GRIA4: variants seen among roughly 807,000 people sequenced by gnomAD.
The protein encoded by GRIA4 is glutamate receptor 4.
In GRIA4, 34 loss-of-function variants were observed where a neutral mutation model predicts 104.0. The observed-to-expected ratio is 0.33, with a 90% CI of 0.25 to 0.44. The LOEUF is 0.44. GRIA4 is among the 20% of genes least tolerant of loss of function. The pLI, the probability that GRIA4 is intolerant of heterozygous loss-of-function variation, is 1.00. For missense variants in GRIA4, 750 were observed against 1,096.5 expected (o/e 0.68, Z 4.46); for synonymous variants, 386 against 381.9 (o/e 1.01, Z -0.13).
intron 3 of GRIA4, among the ~76,000 whole-genome samples, chr11:105,732,241 G>C (rs1048916054): frequency 2.6e-5 from 4 of 152,158 alleles, no homozygotes; most frequent in African/African-American, 4.8e-5. Context: ...AAACAGCAAA[G>C]AGGTCACAAG....
chr11:105,737,443 AT>A, intron 3 of GRIA4, among the ~76,000 whole-genome samples: 1 of 152,020 alleles, frequency 6.6e-6, no homozygotes, highest in South Asian at 2.1e-4. Context: ...CTGTTCCAGG[AT>A]TTTTTGCAGG....
intron 3 of GRIA4, chr11:105,614,087 T>C (rs1950541795): frequency 6.6e-6 from 1 of 151,892 alleles, no homozygotes; most frequent in African/African-American, 2.4e-5. Context: ...TTTTCTCATG[T>C]CTCTCCTAAG....
At chr11:105,847,632 G>T (rs939808847) in intron 4 of GRIA4, among the ~76,000 whole-genome samples, 1 of 151,984 alleles carries the variant, frequency 6.6e-6, no homozygotes, top group Non-Finnish European at 1.5e-5. Flanking sequence ...ATTTTATTTT[G>T]AATGCTGAAA....
intron 6 of GRIA4, among the ~76,000 whole-genome samples, chr11:105,897,542 G>GTTTGTCATAGATGGC (rs1198383715): frequency 1.3e-5 from 2 of 152,076 alleles, no homozygotes; most frequent in Non-Finnish European, 2.9e-5. Flanking sequence ...TTTGCCGTGG[G>GTTTGTCATAGATGGC]TTTGTCATAG....
chr11:105,664,776 A>G (rs570617556), intron 3 of GRIA4, among the ~76,000 whole-genome samples: 1 of 152,106 alleles, frequency 6.6e-6, no homozygotes, highest in African/African-American at 2.4e-5. Context: ...GATCTCAAAT[A>G]TAATTATTTT....
In GRIA4 at chr11:105,973,501, T is replaced by A. The variant is rs1255628284; in HGVS notation, c.2410-809T>A. Among the ~76,000 whole-genome samples, 3 of 152,068 alleles carry A rather than the reference T, an allele frequency of 2.0e-5. No individual in the cohort carries two copies. The East Asian group carries it at 5.8e-4, about 29-fold the overall frequency. On this transcript the variant is annotated intron_variant, in intron 15 of 16. Transcript: ENST00000282499. The stretch of plus-strand genomic sequence containing the variant: ...AAGAATAAATAATATCTCTAAAATA[T>A]TAATGGACTAAGCATTTTTAAGTGG...
intron 5 of GRIA4, among the ~76,000 whole-genome samples, chr11:105,876,603 T>C (rs909889308): frequency 2.6e-5 from 4 of 152,212 alleles, no homozygotes; most frequent in African/African-American, 9.6e-5. Flanking sequence ...TGCTCCTGTA[T>C]TGGGTGCAAA....
chr11:105,832,522 C>A (rs1370611424), intron 4 of GRIA4, among the ~76,000 whole-genome samples: 2 of 151,806 alleles, frequency 1.3e-5, no homozygotes, highest in Non-Finnish European at 2.9e-5. Context: ...CTGAAGTACG[C>A]AGGGCTGGTA....
chr11:105,951,198 G>A (rs1473952844), intron 14 of GRIA4, among the ~76,000 whole-genome samples: 1 of 152,204 alleles, frequency 6.6e-6, no homozygotes, highest in Non-Finnish European at 1.5e-5. Context: ...CACATAAGGA[G>A]ATGAAGAAAT....
intron 3 of GRIA4, among the ~76,000 whole-genome samples, chr11:105,655,480 C>T (rs77866980): frequency 0.028 from 4,245 of 152,088 alleles, 121 homozygotes; most frequent in African/African-American, 0.069. Context: ...TAATGCTCTC[C>T]CTCCCCTAGT....
intron 4 of GRIA4, among the ~76,000 whole-genome samples, chr11:105,822,009 T>G (rs535295844): frequency 1.6e-4 from 25 of 152,246 alleles, no homozygotes; most frequent in Admixed American, 1.3e-3. Context: ...AAAATCCTTT[T>G]GCTGTAGAAC....
At chr11:105,849,539 T>A (rs1363978740) in intron 4 of GRIA4, among the ~76,000 whole-genome samples, 1 of 152,234 alleles carries the variant, frequency 6.6e-6, no homozygotes, top group East Asian at 1.9e-4. Flanking sequence ...AATTTGGCAA[T>A]GACGCTGAAC....
intron 3 of GRIA4, among the ~76,000 whole-genome samples, chr11:105,620,832 C>T (rs1207370915): frequency 6.6e-6 from 1 of 151,798 alleles, no homozygotes; most frequent in Non-Finnish European, 1.5e-5. Context: ...AGGATAACTG[C>T]AGATATTCAA....
At chr11:105,620,325 A>G (rs999314533) in intron 3 of GRIA4, among the ~76,000 whole-genome samples, 2 of 12,474 alleles carry the variant, frequency 1.6e-4, no homozygotes, top group Admixed American at 2.7e-3. Context: ...ACTCAGAAGT[A>G]GGCATTATTA....
At chr11:105,709,403 C>T (rs535952131) in intron 3 of GRIA4, among the ~76,000 whole-genome samples, 1 of 152,082 alleles carries the variant, frequency 6.6e-6, no homozygotes, top group South Asian at 2.1e-4. Context: ...GTCATAATTG[C>T]TGCAGGAAAG....
At chr11:105,676,389 C>T (rs1187304273) in intron 3 of GRIA4, among the ~76,000 whole-genome samples, 1 of 151,572 alleles carries the variant, frequency 6.6e-6, no homozygotes, top group Non-Finnish European at 1.5e-5. Flanking sequence ...AACCAAATGC[C>T]CTTCCTTCAA....
rs189120079 is a variant in GRIA4 at position 105,748,537 on chromosome 11, C to A, written c.248-4444C>A. Among the ~76,000 whole-genome samples the A allele has an allele frequency of 3.1e-4, 47 of 152,222 alleles. No individual in the cohort carries two copies. The East Asian group carries it at 9.1e-3, about 29-fold the overall frequency. On this transcript the variant is annotated intron_variant, in intron 3 of 16. Transcript: ENST00000282499. ...AGCTGGGATTACGGGCATGTGCCAG[C>A]ACGCCCTGCTAATTTTTTTGTATTT...
In GRIA4 at chr11:105,898,342, T is replaced by G. The variant is rs767636720; in HGVS notation, c.800T>G (p.Phe267Cys). The change falls in exon 7 of 17, where the codon TTT becomes TGT. Residue 267 changes from phenylalanine to cysteine, a missense_variant. This residue lies in a region of GRIA4 where 410 missense variants were observed against 502.7 expected (regional missense o/e 0.82). Coordinates refer to ENST00000282499, the MANE Select transcript of GRIA4 (RefSeq NM_000829.4). ...ANVTGFQLVDFNTPMVIKLMD... is the reference protein window; with the variant it reads ...ANVTGFQLVDCNTPMVIKLMD... ...GTTACTGGATTCCAGTTGGTGGATTTTAATACACCTATGGTAATCAAACTA... is the reference window on the plus strand; with the variant it reads ...GTTACTGGATTCCAGTTGGTGGATTGTAATACACCTATGGTAATCAAACTA... 5 of 1,573,086 alleles carry G rather than the reference T, an allele frequency of 3.2e-6. No homozygotes were observed. Among genetic ancestry groups the G allele is most frequent in the Middle Eastern group, 1.7e-4 (1 of 5,994 alleles).
At chr11:105,752,209 G>C (rs148607307) in intron 3 of GRIA4, among the ~76,000 whole-genome samples, 2,054 of 152,220 alleles carry the variant, frequency 0.013, 22 homozygotes, top group Non-Finnish European at 0.02. Flanking sequence ...GACCAAGAAA[G>C]GCAAGATGAG....
Sources: allele counts gnomAD v4.1 joint callset (sites outside exome capture counted in the v4.1 genomes callset), GRCh38; gene constraint gnomAD v4.1.1; regional missense constraint gnomAD v4.1.1; transcripts MANE v1.5; gene names NCBI Gene and HGNC (gene_info 2026-07-23, HGNC 2026-07-21).